Variants in SLC25A21 observed in about 807,000 individuals in gnomAD.
The protein encoded by SLC25A21 is mitochondrial 2-oxodicarboxylate carrier.
In SLC25A21, 47 loss-of-function variants were observed where a neutral mutation model predicts 43.8. The ratio of observed to expected loss-of-function variants is 1.07; its 90% CI spans 0.85 to 1.37. The LOEUF (loss-of-function observed/expected upper bound fraction) is 1.37. Ranked by LOEUF, SLC25A21 falls within the 40% of genes most tolerant of loss-of-function variation. SLC25A21 has a pLI of 0.00. For synonymous variants in SLC25A21, 131 were observed against 121.3 expected (o/e 1.08, Z -0.52); for missense variants, 352 against 350.2 (o/e 1.00, Z -0.04).
At chr14:36,919,665 A>C (rs191518835) in intron 1 of SLC25A21, among the ~76,000 whole-genome samples, 1 of 147,042 alleles carries the variant, frequency 6.8e-6, no homozygotes. Flanking sequence ...CTATCTATCT[A>C]TCTCTATTTA....
At chr14:37,062,390 G>C (rs909141262) in intron 1 of SLC25A21, among the ~76,000 whole-genome samples, 2 of 152,076 alleles carry the variant, frequency 1.3e-5, no homozygotes, top group Non-Finnish European at 2.9e-5. Flanking sequence ...TGTAATTCTA[G>C]CTGTGCCACT....
intron 2 of SLC25A21, chr14:36,828,471 T>C (rs1471182525): frequency 6.6e-6 from 1 of 152,166 alleles, no homozygotes; most frequent in East Asian, 1.9e-4. Flanking sequence ...ACTCACAAGA[T>C]GGAAGCAGAG....
At chr14:36,779,365 C>A (rs1886953308) in intron 3 of SLC25A21, among the ~76,000 whole-genome samples, 2 of 141,150 alleles carry the variant, frequency 1.4e-5, no homozygotes, top group South Asian at 2.2e-4. Context: ...AATTATATAT[C>A]TCTCTCTATA....
In SLC25A21 at chr14:37,100,583, G is replaced by A. The variant is rs569077718; in HGVS notation, c.70+71698C>T. 1.9e-4 allele frequency among the ~76,000 whole-genome samples: 29 copies of A among 152,286 alleles called. No individual in the cohort carries two copies. The South Asian group carries it at 6.0e-3, about 32-fold the overall frequency. Reference sequence around the variant, plus strand: ...CATTGGTTCATTCAAATTAATTCTAGGCACTAGGAACACGGCAAGTTAAAA... The same window carrying A: ...CATTGGTTCATTCAAATTAATTCTAAGCACTAGGAACACGGCAAGTTAAAA... On this transcript the variant is annotated intron_variant, in intron 1 of 9. Transcript: ENST00000331299.
At chr14:36,725,038 A>G (rs867990577) in intron 6 of SLC25A21, 1 of 152,296 alleles carries the variant, frequency 6.6e-6, no homozygotes, top group African/African-American at 2.4e-5. Flanking sequence ...GTGTTTGTCC[A>G]TTAGATCTCA....
chr14:36,836,797 G>A (rs1423161029), intron 2 of SLC25A21, among the ~76,000 whole-genome samples: 1 of 152,144 alleles, frequency 6.6e-6, no homozygotes, highest in Non-Finnish European at 1.5e-5. Flanking sequence ...GATAACAAGG[G>A]GGAATTAACA....
chr14:36,869,416 C>T (rs1045413930), intron 2 of SLC25A21, among the ~76,000 whole-genome samples: 2 of 113,772 alleles, frequency 1.8e-5, no homozygotes, highest in African/African-American at 5.6e-5. Context: ...TGCAAGATTT[C>T]GGATGGAGGA....
At chr14:36,690,017 A>G (rs1245935356) in intron 7 of SLC25A21, among the ~76,000 whole-genome samples, 1 of 152,192 alleles carries the variant, frequency 6.6e-6, no homozygotes, top group African/African-American at 2.4e-5. Context: ...AGGCAATGAT[A>G]TTAACTCTGT....
intron 1 of SLC25A21, among the ~76,000 whole-genome samples, chr14:37,070,554 G>GA (rs1269655107): frequency 6.6e-6 from 1 of 152,050 alleles, no homozygotes; most frequent in South Asian, 2.1e-4. Context: ...GCTACACTCA[G>GA]AAAAAATATA....
intron 1 of SLC25A21, among the ~76,000 whole-genome samples, chr14:37,058,479 T>C (rs1012884246): frequency 3.9e-5 from 6 of 152,222 alleles, no homozygotes; most frequent in African/African-American, 1.4e-4. Context: ...CTGTGAGATA[T>C]GGAAATTAAT....
intron 1 of SLC25A21, among the ~76,000 whole-genome samples, chr14:36,898,491 T>C (rs1891310713): frequency 6.6e-6 from 1 of 152,036 alleles, no homozygotes. Context: ...CTGGGTGAGG[T>C]GATGCCTCGC....
intron 1 of SLC25A21, among the ~76,000 whole-genome samples, chr14:36,961,202 G>A (rs567968810): frequency 2.7e-5 from 4 of 148,528 alleles, no homozygotes; most frequent in South Asian, 2.2e-4. Flanking sequence ...CCTTCCGCAC[G>A]TGTTTTCGTT....
intron 1 of SLC25A21, among the ~76,000 whole-genome samples, chr14:36,939,840 T>C (rs1019743155): frequency 1.3e-5 from 2 of 152,118 alleles, no homozygotes; most frequent in Non-Finnish European, 2.9e-5. Flanking sequence ...ACTGAATGAA[T>C]GGAAAACATG....
intron 2 of SLC25A21, among the ~76,000 whole-genome samples, chr14:36,873,863 G>A (rs552752695): frequency 6.6e-6 from 1 of 152,220 alleles, no homozygotes; most frequent in African/African-American, 2.4e-5. Flanking sequence ...GCCCTCTACA[G>A]TTAGGAAGAG....
chr14:36,935,523 G>A (rs1414317758), intron 1 of SLC25A21, among the ~76,000 whole-genome samples: 2 of 152,174 alleles, frequency 1.3e-5, no homozygotes, highest in African/African-American at 4.8e-5. Context: ...GCCACCTAAT[G>A]TCTATACTTA....
chr14:36,700,981 G>A (rs533227993), intron 7 of SLC25A21, among the ~76,000 whole-genome samples: 1 of 152,266 alleles, frequency 6.6e-6, no homozygotes, highest in African/African-American at 2.4e-5. Context: ...CAGCTTAAGT[G>A]AGAGTGAACT....
At chr14:37,078,299 ACTTCCCTAGTTGAGCTGACCTCAAAGTT>A (rs1962321989) in intron 1 of SLC25A21, among the ~76,000 whole-genome samples, 1 of 152,136 alleles carries the variant, frequency 6.6e-6, no homozygotes, top group Admixed American at 6.5e-5. Context: ...TCTTTCCTTC[ACTTCCCTAGTTGAGCTGACCTCAAAGTT>A]CTTGGTGTCC....
chr14:36,819,858 T>C (rs1390175495), intron 2 of SLC25A21, among the ~76,000 whole-genome samples: 1 of 152,116 alleles, frequency 6.6e-6, no homozygotes, highest in Non-Finnish European at 1.5e-5. Flanking sequence ...ACCCAATCTT[T>C]TAATGGCCAA....
intron 1 of SLC25A21, among the ~76,000 whole-genome samples, chr14:37,161,230 A>G (rs1460060732): frequency 6.6e-6 from 1 of 152,216 alleles, no homozygotes; most frequent in Non-Finnish European, 1.5e-5. Context: ...TCACAGAGAC[A>G]ACTTTAAAGG....
Sources: allele counts gnomAD v4.1 joint callset (sites outside exome capture counted in the v4.1 genomes callset), GRCh38; gene constraint gnomAD v4.1.1; transcripts MANE v1.5; gene names NCBI Gene and HGNC (gene_info 2026-07-23, HGNC 2026-07-21).